CRMP1: variants seen among roughly 807,000 people sequenced by gnomAD.
The protein encoded by CRMP1 is dihydropyrimidinase-related protein 1.
A neutral mutation model predicts 68.3 loss-of-function variants in CRMP1; 19 were observed. The observed-to-expected ratio is 0.28, with a 90% CI of 0.19 to 0.41. The LOEUF (loss-of-function observed/expected upper bound fraction) is 0.41. Among genes scored for constraint, CRMP1 ranks in the 10% least tolerant of loss-of-function variants. The probability of loss-of-function intolerance (pLI) is 1.00; values close to 1 mark genes in which losing one functional copy is unlikely to be tolerated. For missense variants in CRMP1, 791 were observed against 967.4 expected, an observed-to-expected ratio of 0.82 and a Z score of 2.42; for synonymous variants, 439 against 399.6, an observed-to-expected ratio of 1.10 and a Z score of -1.18.
chr4:5,888,444 CCCG>C lies in CRMP1; in HGVS notation c.381+4142_381+4144del. On this transcript the variant is annotated intron_variant, in intron 1 of 13. Transcript: ENST00000324989. The surrounding 1 kb of genome is among the most constrained non-coding windows in gnomAD (Gnocchi z 6.4). ...GCGGCTGCCCCGGCTGCTCGGCCCG[CCCG>C]CCGCCGCTCCGGCTGCCAGCACCGC... 1 of 1,214,594 alleles carries C rather than the reference CCCG, an allele frequency of 8.2e-7. No individual in the cohort carries two copies. Among genetic ancestry groups the C allele is most frequent in the Middle Eastern group, 3.2e-4 (1 of 3,122 alleles). The allele number at this position is 1,214,594 out of a possible 1,614,324, so 75.2% of individuals were successfully genotyped here. A position where few individuals can be genotyped will look rare whatever the true frequency, so the allele number is the denominator to read the frequency against.
rs1577794903 is a variant in CRMP1, at chr4:5,854,214, T to C, written c.820+1929A>G. The stretch of plus-strand genomic sequence containing the variant: ...CTTGGATTATGACTCTGTTATGTAG[T>C]TGCAGTGAATCACGCAGCAACTGCA... On this transcript the variant is annotated intron_variant, in intron 4 of 13. Transcript: ENST00000324989. This position sits in a 1 kb window ranked among gnomAD's most constrained non-coding sequence, Gnocchi z 4.0. Among the ~76,000 whole-genome samples the C allele has an allele frequency of 6.6e-6, 1 of 152,268 alleles. No individual in the cohort carries two copies. Among genetic ancestry groups the C allele is most frequent in the African/African-American group, 2.4e-5 (1 of 41,550 alleles).
intron 9 of CRMP1, among the ~76,000 whole-genome samples, chr4:5,837,830 C>A (rs1720831937): frequency 6.6e-6 from 1 of 152,092 alleles, no homozygotes; most frequent in Non-Finnish European, 1.5e-5. Flanking sequence ...GTTTTCTTCA[C>A]TCATTTATTC....
intron 11 of CRMP1, among the ~76,000 whole-genome samples, chr4:5,831,864 C>G (rs985074268): frequency 1.3e-5 from 2 of 152,214 alleles, no homozygotes; most frequent in Admixed American, 1.3e-4. Flanking sequence ...TCTTGCCATC[C>G]ATGAGCCCCA....
chr4:5,827,937 G>T, intron 12 of CRMP1: 1 of 648,206 alleles, frequency 1.5e-6, no homozygotes, highest in Non-Finnish European at 1.9e-6. Context: ...TTTGACAGAT[G>T]TCCTGAGGTC....
Position 5,825,666 on chromosome 4 carries a change from A to G in CRMP1, c.1804-7T>C, listed in dbSNP as rs1226879904. 2.5e-6 allele frequency: 4 copies of G among 1,612,258 alleles called. No homozygotes were observed. The highest frequency in any genetic ancestry group is 2.7e-5 in the African/African-American group (2 of 74,842). Reference sequence around the variant, plus strand: ...CCCCTTGCAATCCAAAAACCTAAACAGAGGAAGGGAGAGTGTGATTGATCG... The same window carrying G: ...CCCCTTGCAATCCAAAAACCTAAACGGAGGAAGGGAGAGTGTGATTGATCG... On this transcript the variant is annotated splice_polypyrimidine_tract_variant and splice_region_variant and intron_variant, in intron 12 of 13. Transcript: ENST00000324989. This position sits in a 1 kb window ranked among gnomAD's most constrained non-coding sequence, Gnocchi z 4.4.
chr4:5,857,196 C>G (rs1560506135), intron 3 of CRMP1, among the ~76,000 whole-genome samples: 2 of 151,868 alleles, frequency 1.3e-5, no homozygotes, highest in Admixed American at 6.6e-5. Context: ...CACTCCACCA[C>G]CATCATCACC....
intron 1 of CRMP1, among the ~76,000 whole-genome samples, chr4:5,868,253 C>CTATATATCTATATCTA (rs1714130902): frequency 1.2e-5 from 1 of 83,130 alleles, no homozygotes; most frequent in African/African-American, 4.2e-5. Flanking sequence ...TTCTTCATGA[C>CTATATATCTATATCTA]TATATATCTA....
rs1288095438 is a variant in CRMP1 at position 5,865,763 on chromosome 4, T to C, written c.470+905A>G. 6.6e-6 allele frequency among the ~76,000 whole-genome samples: 1 copy of C among 152,016 alleles called. No individual in the cohort carries two copies. Among genetic ancestry groups the C allele is most frequent in the African/African-American group, 2.4e-5 (1 of 41,382 alleles). On this transcript the variant is annotated intron_variant, in intron 2 of 13. Coordinates refer to ENST00000324989, the MANE Select transcript of CRMP1 (RefSeq NM_001014809.3). This position sits in a 1 kb window ranked among gnomAD's most constrained non-coding sequence, Gnocchi z 4.1. The stretch of plus-strand genomic sequence containing the variant: ...GCGACAGGGCCTTTAAGGAGGTGAT[T>C]AAGGTTGTTAAGGTTGAATGAGGCC...
At chr4:5,857,064 C>T (rs556024753) in intron 3 of CRMP1, among the ~76,000 whole-genome samples, 3 of 148,350 alleles carry the variant, frequency 2.0e-5, no homozygotes, top group African/African-American at 7.7e-5. Context: ...ATCATTATCA[C>T]CCCACCATCA....
At chr4:5,823,240 G>A (rs2152431734) in intron 13 of CRMP1, among the ~76,000 whole-genome samples, 1 of 152,268 alleles carries the variant, frequency 6.6e-6, no homozygotes, top group South Asian at 2.1e-4. Context: ...AACATTACAT[G>A]ATTTGTCTAT....
intron 12 of CRMP1, chr4:5,828,171 G>C (rs1408884875): frequency 1.0e-6 from 1 of 985,384 alleles, no homozygotes; most frequent in African/African-American, 1.7e-5. Flanking sequence ...CCCGTGGGTG[G>C]GCAGGATTAC....
chr4:5,833,384 T>C (rs1270275317), intron 11 of CRMP1, among the ~76,000 whole-genome samples: 6 of 88,330 alleles, frequency 6.8e-5, no homozygotes, highest in Non-Finnish European at 1.2e-4. Context: ...GCCGGGATGG[T>C]CTCGATCTCC....
Position 5,820,798 on chromosome 4 carries a change from TTTTC to T in CRMP1, c.*958_*961del, listed in dbSNP as rs1718398845. 1 of 146,000 alleles carries T rather than the reference TTTTC, an allele frequency of 6.8e-6. No individual in the cohort carries two copies. Among genetic ancestry groups the T allele is most frequent in the Non-Finnish European group, 1.5e-5 (1 of 67,834 alleles). The allele number at this position is 146,000 out of a possible 1,614,324, so 9.0% of individuals were successfully genotyped here. On this transcript the variant is annotated 3_prime_UTR_variant, in exon 14 of 14. Transcript: ENST00000324989. ...CCTAGTCAGGTCAGTGGGCAGTTCATTTTCTTTATTTTTTCACAAGCTTTGAATT... is the reference window on the plus strand; with the variant it reads ...CCTAGTCAGGTCAGTGGGCAGTTCATTTTATTTTTTCACAAGCTTTGAATT...
intron 11 of CRMP1, among the ~76,000 whole-genome samples, chr4:5,829,164 C>T (rs1560485438): frequency 2.0e-5 from 3 of 152,202 alleles, no homozygotes; most frequent in Admixed American, 6.5e-5. Context: ...TTACCCCCTC[C>T]AGCATTGGGT....
At chr4:5,831,722 T>C (rs1201233880) in intron 11 of CRMP1, among the ~76,000 whole-genome samples, 1 of 152,200 alleles carries the variant, frequency 6.6e-6, no homozygotes, top group African/African-American at 2.4e-5. Flanking sequence ...GAGGCCCTGG[T>C]CATATCACAA....
At chr4:5,868,574 T>C (rs571088382) in intron 1 of CRMP1, among the ~76,000 whole-genome samples, 4 of 152,080 alleles carry the variant, frequency 2.6e-5, no homozygotes, top group Non-Finnish European at 5.9e-5. Context: ...GTGCTGGGAT[T>C]ACAGGCGTGA....
chr4:5,824,884 C>T (rs1719297263), intron 13 of CRMP1: 1 of 985,394 alleles, frequency 1.0e-6, no homozygotes, highest in Non-Finnish European at 1.2e-6. Context: ...ATACACTGCC[C>T]TGAGACCTTA....
Position 5,823,122 on chromosome 4 carries a change from A to G in CRMP1, c.1970-1271T>C, listed in dbSNP as rs550241753. ...GGAGACTCAAGTTTCAGTGCTAATC[A>G]TGCCTTGAATTTGGGCAATTTGGAG... On this transcript the variant is annotated intron_variant, in intron 13 of 13. Transcript: ENST00000324989. Among the ~76,000 whole-genome samples the G allele has an allele frequency of 1.9e-4, 29 of 152,258 alleles. No homozygotes were observed. The South Asian group carries it at 6.0e-3, about 32-fold the overall frequency.
Position 5,888,703 on chromosome 4 carries a change from C to A in CRMP1, c.381+3886G>T. On this transcript the variant is annotated intron_variant, in intron 1 of 13. Transcript: ENST00000324989. The surrounding 1 kb of genome is among the most constrained non-coding windows in gnomAD (Gnocchi z 6.4). ...CCTTGGCGGGCCCTGGCCTCGCTCT[C>A]GCGATCCAGAGAGTATGGTTTTCAG... The A allele has an allele frequency of 1.2e-6, 1 of 836,532 alleles. No homozygotes were observed. Among genetic ancestry groups the A allele is most frequent in the Non-Finnish European group, 1.4e-6 (1 of 695,012 alleles). The allele number at this position is 836,532 out of a possible 1,614,324, so 51.8% of individuals were successfully genotyped here. A position where few individuals can be genotyped will look rare whatever the true frequency, so the allele number is the denominator to read the frequency against.
Sources: allele counts gnomAD v4.1 joint callset (sites outside exome capture counted in the v4.1 genomes callset), GRCh38; gene constraint gnomAD v4.1.1; non-coding constraint Gnocchi (gnomAD v3.1); transcripts MANE v1.5; gene names NCBI Gene and HGNC (gene_info 2026-07-23, HGNC 2026-07-21).